BTG4: variants seen among roughly 807,000 people sequenced by gnomAD.
The protein encoded by BTG4 is protein BTG4.
BTG4 carries 10 observed loss-of-function variants against 19.3 expected under a neutral mutation model. That is an observed-to-expected ratio of 0.52 (90% CI 0.32 to 0.88). BTG4 has a LOEUF of 0.88. Ranked by LOEUF, BTG4 falls within the 40% of genes least tolerant of loss-of-function variation. BTG4 has a pLI of 0.04. For synonymous variants in BTG4, 91 were observed against 95.7 expected, an observed-to-expected ratio of 0.95 and a Z score of 0.29; for missense variants, 238 against 281.9, an observed-to-expected ratio of 0.84 and a Z score of 1.11.
chr11:111,462,929 C>T (rs540210347), downstream of BTG4: 2 of 152,842 alleles, frequency 1.3e-5, no homozygotes, highest in East Asian at 3.9e-4. Flanking sequence ...TGTGGCTCTT[C>T]AGGGCAATGT....
the BTG4 span, among the ~76,000 whole-genome samples, chr11:111,439,404 G>T: frequency 1.3e-5 from 2 of 152,084 alleles, no homozygotes; most frequent in Non-Finnish European, 2.9e-5. Flanking sequence ...TCTTTAAAGA[G>T]AGCCCAGCAC....
chr11:111,453,325 C>G, the BTG4 span: 1 of 369,618 alleles, frequency 2.7e-6, no homozygotes, highest in Non-Finnish European at 5.5e-6. Flanking sequence ...TGAAGTGCGA[C>G]CTGTTTCCTT....
chr11:111,511,680 A>G (rs2135756085), intron 1 of BTG4, among the ~76,000 whole-genome samples: 2 of 152,336 alleles, frequency 1.3e-5, no homozygotes, highest in African/African-American at 4.8e-5. Flanking sequence ...AGTTATTAGC[A>G]GAGATCTCCC....
the BTG4 span, among the ~76,000 whole-genome samples, chr11:111,405,172 G>A: frequency 2.6e-5 from 4 of 152,218 alleles, no homozygotes; most frequent in South Asian, 4.2e-4. Flanking sequence ...TTGGGAGGCC[G>A]AGGCGGGTGG....
the BTG4 span, among the ~76,000 whole-genome samples, chr11:111,392,864 C>A: frequency 2.0e-5 from 3 of 152,156 alleles, no homozygotes; most frequent in African/African-American, 7.2e-5. Context: ...TTATAGAATT[C>A]TTGTGAGGGT....
the BTG4 span, among the ~76,000 whole-genome samples, chr11:111,444,402 A>G: frequency 6.6e-6 from 1 of 151,828 alleles, no homozygotes; most frequent in Non-Finnish European, 1.5e-5. Context: ...GATCAAAACA[A>G]TTGAATTCAT....
chr11:111,461,728 T>A, the BTG4 span, among the ~76,000 whole-genome samples: 3 of 152,016 alleles, frequency 2.0e-5, no homozygotes, highest in East Asian at 1.9e-4. Context: ...ATAAATAAAT[T>A]AATTAATTAA....
chr11:111,473,793 G>T (rs571581794), intron 5 of BTG4, among the ~76,000 whole-genome samples: 3 of 152,214 alleles, frequency 2.0e-5, no homozygotes, highest in Non-Finnish European at 4.4e-5. Flanking sequence ...AGGAACTGAG[G>T]ATTAGACTTG....
At chr11:111,396,192 C>T in the BTG4 span, among the ~76,000 whole-genome samples, 2 of 152,320 alleles carry the variant, frequency 1.3e-5, no homozygotes, top group South Asian at 2.1e-4. Flanking sequence ...TGCTAAGGGG[C>T]AAATAGTTGG....
the BTG4 span, among the ~76,000 whole-genome samples, chr11:111,420,030 A>G: frequency 6.6e-6 from 1 of 151,912 alleles, no homozygotes; most frequent in Non-Finnish European, 1.5e-5. Context: ...CAGGTCCAGA[A>G]GTGGCTTGAG....
the BTG4 span, among the ~76,000 whole-genome samples, chr11:111,424,657 T>C: frequency 6.6e-6 from 1 of 152,242 alleles, no homozygotes; most frequent in South Asian, 2.1e-4. Flanking sequence ...AGCATTTGTT[T>C]ATTAATTCAA....
At chr11:111,448,902 T>C in the BTG4 span, among the ~76,000 whole-genome samples, 4 of 152,008 alleles carry the variant, frequency 2.6e-5, no homozygotes, top group Non-Finnish European at 5.9e-5. Flanking sequence ...AAAAAAATTG[T>C]CTAAAATTCA....
the BTG4 span, among the ~76,000 whole-genome samples, chr11:111,392,164 A>ATTTT: frequency 3.8e-5 from 2 of 52,500 alleles, no homozygotes; most frequent in African/African-American, 1.3e-4. Flanking sequence ...TTTTCCTGTG[A>ATTTT]TTTTCTTTTT....
chr11:111,399,859 A>C, the BTG4 span, among the ~76,000 whole-genome samples: 3 of 152,162 alleles, frequency 2.0e-5, no homozygotes, highest in African/African-American at 7.2e-5. Context: ...GAAGACTGAG[A>C]GGTCCTTCTG....
the BTG4 span, among the ~76,000 whole-genome samples, chr11:111,405,984 T>C: frequency 6.6e-6 from 1 of 152,248 alleles, no homozygotes; most frequent in African/African-American, 2.4e-5. Context: ...TATTACAGCA[T>C]TCTGCAGATA....
chr11:111,418,745 G>C, the BTG4 span, among the ~76,000 whole-genome samples: 37,516 of 152,154 alleles, frequency 0.25, 5,465 homozygotes, highest in Admixed American at 0.35. Flanking sequence ...CACCAACCTT[G>C]AGAGTCCATG....
chr11:111,465,739 G>A (rs1761179194), downstream of BTG4, among the ~76,000 whole-genome samples: 1 of 152,162 alleles, frequency 6.6e-6, no homozygotes, highest in Admixed American at 6.5e-5. Flanking sequence ...GTTCCCAGGA[G>A]GGCAGATCAC....
intron 5 of BTG4, among the ~76,000 whole-genome samples, chr11:111,484,436 A>G (rs1035261385): frequency 3.3e-5 from 5 of 152,198 alleles, no homozygotes; most frequent in African/African-American, 1.2e-4. Context: ...ACATTTTAAT[A>G]GATACACAGT....
At chr11:111,462,638 G>T (rs954292070), downstream of BTG4, among the ~76,000 whole-genome samples, 1 of 152,264 alleles carries the variant, frequency 6.6e-6, no homozygotes, top group Non-Finnish European at 1.5e-5. Context: ...ACCCCTGGTG[G>T]TGGTCGCTGC....
Sources: allele counts gnomAD v4.1 joint callset (sites outside exome capture counted in the v4.1 genomes callset), GRCh38; gene constraint gnomAD v4.1.1; transcripts MANE v1.5; gene names NCBI Gene and HGNC (gene_info 2026-07-23, HGNC 2026-07-21).